EPN2: variants seen among roughly 807,000 people sequenced by gnomAD.
EPN2 encodes the protein epsin 2, also known as epsin-2.
Under a neutral mutation model 61.7 loss-of-function variants are expected in EPN2, and 34 were observed. The observed-to-expected ratio is 0.55, with a 90% CI of 0.42 to 0.73. EPN2 has a LOEUF of 0.73. Ranked by LOEUF, EPN2 falls within the 30% of genes least tolerant of loss-of-function variation. EPN2 has a pLI of 0.00. For synonymous variants in EPN2, 349 were observed against 353.6 expected (o/e 0.99, Z 0.15); for missense variants, 714 against 839.2 (o/e 0.85, Z 1.84).
At chr17:19,326,796 C>T (rs1403274902) in intron 7 of EPN2, among the ~76,000 whole-genome samples, 1 of 151,810 alleles carries the variant, frequency 6.6e-6, no homozygotes, top group African/African-American at 2.4e-5. Context: ...GCATACCATG[C>T]TGCGAGGAGT....
At chr17:19,275,858 A>G (rs2045300539) in intron 1 of EPN2, among the ~76,000 whole-genome samples, 1 of 152,194 alleles carries the variant, frequency 6.6e-6, no homozygotes, top group South Asian at 2.1e-4. Context: ...TTGAATAGAT[A>G]TGGCTTTTTA....
At chr17:19,299,091 C>T (rs927393335) in intron 4 of EPN2, among the ~76,000 whole-genome samples, 6 of 152,174 alleles carry the variant, frequency 3.9e-5, no homozygotes, top group African/African-American at 1.4e-4. Context: ...TGCTTTCCCC[C>T]CAGCAGTGAA....
intron 1 of EPN2, among the ~76,000 whole-genome samples, chr17:19,242,780 C>T (rs2044899565): frequency 6.6e-6 from 1 of 152,238 alleles, no homozygotes; most frequent in Non-Finnish European, 1.5e-5. Flanking sequence ...AAAGTAGGCT[C>T]ATCCTGGGGG....
intron 4 of EPN2, among the ~76,000 whole-genome samples, chr17:19,287,389 C>T (rs1444061078): frequency 6.6e-6 from 1 of 152,028 alleles, no homozygotes; most frequent in Non-Finnish European, 1.5e-5. Context: ...TTTGAGCAAA[C>T]AAGTGTTATA....
intron 7 of EPN2, among the ~76,000 whole-genome samples, chr17:19,326,869 G>A (rs573811621): frequency 6.6e-6 from 1 of 152,042 alleles, no homozygotes; most frequent in African/African-American, 2.4e-5. Flanking sequence ...AGGGACGATC[G>A]GTAAAAGACT....
chr17:19,269,374 C>CT (rs1366264527), intron 1 of EPN2, among the ~76,000 whole-genome samples: 1 of 152,186 alleles, frequency 6.6e-6, no homozygotes, highest in Non-Finnish European at 1.5e-5. Flanking sequence ...TGAAGAGACT[C>CT]TTTTTCCTGA....
intron 7 of EPN2, among the ~76,000 whole-genome samples, chr17:19,315,538 G>A (rs1312950817): frequency 6.6e-6 from 1 of 151,934 alleles, no homozygotes; most frequent in African/African-American, 2.4e-5. Flanking sequence ...CCAGGCTGGA[G>A]TGCAGTGGCA....
chr17:19,326,514 G>A (rs977258243), intron 7 of EPN2, among the ~76,000 whole-genome samples: 13 of 151,844 alleles, frequency 8.6e-5, no homozygotes, highest in East Asian at 1.9e-4. Context: ...GTGAAACCCC[G>A]TCTCTCCTAA....
intron 4 of EPN2, among the ~76,000 whole-genome samples, chr17:19,298,826 CA>C (rs1905326111): frequency 6.6e-6 from 1 of 152,210 alleles, no homozygotes; most frequent in Admixed American, 6.5e-5. Context: ...CCAGCTTGCA[CA>C]CAAGAAATGC....
rs1331221862 is a variant in EPN2 at position 19,285,939 on chromosome 17, C to T, written c.766+149C>T. On this transcript the variant is annotated intron_variant, in intron 4 of 10. Coordinates refer to ENST00000314728, the MANE Select transcript of EPN2 (RefSeq NM_014964.5). The surrounding 1 kb of genome is among the most constrained non-coding windows in gnomAD (Gnocchi z 4.5). ...GCAGGCCCAGGAGCCCTTTCTTCCT[C>T]TCTCCTGGGAGCTTGTGGCCTGGTC... 1 of 1,393,586 alleles carries T rather than the reference C, an allele frequency of 7.2e-7. No individual in the cohort carries two copies. Among genetic ancestry groups the T allele is most frequent in the African/African-American group, 1.5e-5 (1 of 67,852 alleles). 86.3% of individuals were successfully genotyped at this position (1,393,586 alleles called of 1,614,324 possible). A position where few individuals can be genotyped will look rare whatever the true frequency, so the allele number is the denominator to read the frequency against.
chr17:19,263,665 A>G (rs1403579623), intron 1 of EPN2, among the ~76,000 whole-genome samples: 1 of 152,196 alleles, frequency 6.6e-6, no homozygotes, highest in Non-Finnish European at 1.5e-5. Context: ...AAGTGCAGCA[A>G]GATCAGTGCC....
intron 1 of EPN2, among the ~76,000 whole-genome samples, chr17:19,250,153 A>G (rs1472344597): frequency 6.6e-6 from 1 of 150,898 alleles, no homozygotes; most frequent in East Asian, 1.9e-4. Flanking sequence ...GAGTGCAGTG[A>G]TGCCTATCTC....
chr17:19,293,370 CAAA>C (rs1050438709), intron 4 of EPN2, among the ~76,000 whole-genome samples: 3 of 50,746 alleles, frequency 5.9e-5, no homozygotes, highest in East Asian at 6.4e-4. Flanking sequence ...AACTCCATCT[CAAA>C]AAAAAAAAAA....
chr17:19,326,424 C>T (rs925606025), intron 7 of EPN2, among the ~76,000 whole-genome samples: 14 of 152,170 alleles, frequency 9.2e-5, no homozygotes, highest in South Asian at 4.1e-4. Context: ...TGGTGGCTCA[C>T]GCCTGTAATC....
intron 1 of EPN2, among the ~76,000 whole-genome samples, chr17:19,237,778 C>A (rs561390185): frequency 6.6e-6 from 1 of 152,222 alleles, no homozygotes; most frequent in South Asian, 2.1e-4. Context: ...CTTTCCGCTG[C>A]AAGGATCTCC....
chr17:19,292,958 A>G (rs2045479338), intron 4 of EPN2, among the ~76,000 whole-genome samples: 1 of 152,256 alleles, frequency 6.6e-6, no homozygotes, highest in African/African-American at 2.4e-5. Flanking sequence ...TCTACTTGAC[A>G]GTTTTTGAAA....
chr17:19,312,980 T>C, intron 6 of EPN2, 125 bp from the exon 7 acceptor site: 1 of 979,600 alleles, frequency 1.0e-6, no homozygotes, highest in Non-Finnish European at 1.5e-6. Context: ...CAAGTTCTTC[T>C]CAGCCCCTCC....
rs139658419 is a variant in EPN2 at position 19,255,961 on chromosome 17, G to C, written c.-294+18430G>C. On this transcript the variant is annotated intron_variant, in intron 1 of 10. Coordinates refer to ENST00000314728, the MANE Select transcript of EPN2 (RefSeq NM_014964.5). ...ATTTTTTATTTATTTTTTTTGAGAC[G>C]GAGTCTTGGTCTGTTACCCAGGCTG... is the stretch of plus-strand genomic sequence containing the variant. Among the ~76,000 whole-genome samples, 1,100 of 151,192 alleles carry C rather than the reference G, an allele frequency of 7.3e-3. 6 individuals are homozygous for C. Among genetic ancestry groups the C allele is most frequent in the Non-Finnish European group, 9.9e-3 (671 of 67,816 alleles).
chr17:19,318,905 C>T (rs371644928), intron 7 of EPN2, among the ~76,000 whole-genome samples: 6 of 151,888 alleles, frequency 4.0e-5, no homozygotes, highest in South Asian at 4.2e-4. Flanking sequence ...AGAATTCTTC[C>T]GGAAATGTTG....
Sources: gnomAD v4.1 joint callset for allele counts (sites outside exome capture counted in the v4.1 genomes callset) on GRCh38, gnomAD v4.1.1 for gene constraint, Gnocchi (gnomAD v3.1) non-coding constraint, MANE v1.5 for transcripts, NCBI Gene and HGNC (gene_info 2026-07-23, HGNC 2026-07-21) for gene names.